DNAH7: variants seen among roughly 807,000 people sequenced by gnomAD.
The protein encoded by DNAH7 is axonemal beta dynein heavy chain 7.
DNAH7 carries 397 observed loss-of-function variants against 444.6 expected under a neutral mutation model. The ratio of observed to expected loss-of-function variants is 0.89; its 90% CI spans 0.82 to 0.97. DNAH7 has a LOEUF of 0.97. Ranked by LOEUF, DNAH7 falls within the 50% of genes least tolerant of loss-of-function variation. DNAH7 has a pLI of 0.00. For missense variants in DNAH7, 4,902 were observed against 4,800.8 expected, an observed-to-expected ratio of 1.02 and a Z score of -0.62; for synonymous variants, 1,636 against 1,624.4, an observed-to-expected ratio of 1.01 and a Z score of -0.17.
At position 195,934,771 on chromosome 2, in the gene DNAH7, C is replaced by G. The variant is rs773490089; in HGVS notation, c.3291G>C (p.Lys1097Asn). 3 of 1,614,056 alleles carry G rather than the reference C, an allele frequency of 1.9e-6. No individual in the cohort carries two copies. Among genetic ancestry groups the G allele is most frequent in the East Asian group, 4.5e-5 (2 of 44,856 alleles). Residue 1097 changes from lysine (K) to asparagine (N), a missense_variant, in exon 21 of 65, where the codon AAG (lysine) becomes AAC (asparagine). By Grantham distance (94) the Lys-to-Asn change is moderately conservative. Transcript: ENST00000312428. The stretch of plus-strand genomic sequence containing the variant: ...CCTTTGCGATTCCTTCAAAACATTT[C>G]TTCAAGTGAGGTTGCACCCTGTCAG... ...KDPTRVQPHLKKCFEGIAKVE... is the reference protein window; with the variant it reads ...KDPTRVQPHLNKCFEGIAKVE...
chr2:195,954,336 G>A (rs1690486863), intron 19 of DNAH7, among the ~76,000 whole-genome samples: 1 of 152,124 alleles, frequency 6.6e-6, no homozygotes, highest in Admixed American at 6.5e-5. Context: ...CTTCATCCAT[G>A]TCCCTACAAA....
chr2:195,957,259 A>G lies in DNAH7; in HGVS notation c.3078+2T>C. On this transcript the variant is annotated splice_donor_variant, in intron 19 of 64. Transcript: ENST00000312428. LOFTEE classifies it high-confidence loss of function. ...GACATTTTTGGAGATTTTTTCACCT[A>G]CCTGCATGACACTTCTCATTATATC... is the stretch of plus-strand genomic sequence containing the variant. The G allele has an allele frequency of 2.7e-6, 4 of 1,497,472 alleles. No individual in the cohort carries two copies. The highest frequency in any genetic ancestry group is 2.8e-5 in the African/African-American group (2 of 71,470). 92.8% of individuals were successfully genotyped at this position (1,497,472 alleles called of 1,614,324 possible).
At chr2:195,908,823 C>G (rs547769441) in intron 25 of DNAH7, among the ~76,000 whole-genome samples, 1 of 152,024 alleles carries the variant, frequency 6.6e-6, no homozygotes, top group African/African-American at 2.4e-5. Context: ...TAATTTTGAG[C>G]TTTTAAAAGT....
chr2:195,744,412 T>C (rs1693252084), intron 63 of DNAH7, among the ~76,000 whole-genome samples: 1 of 152,178 alleles, frequency 6.6e-6, no homozygotes, highest in Non-Finnish European at 1.5e-5. Flanking sequence ...TGCCTACCTC[T>C]GGGGGCAGGG....
Position 195,864,269 on chromosome 2 carries a change from A to G in DNAH7, c.7386T>C (p.Ile2462=). Residue 2462 remains isoleucine, a synonymous_variant, in exon 41 of 65, where the codon ATT becomes ATC. Transcript: ENST00000312428. ...CATGCAGTTGGCTGCGGCAATGATC[A>G]ATAAACATGTTGAAAAGGGCTATGG... ...GSPIALFNMF[I]DHCRSQLHVV... 1 of 1,614,204 alleles carries G rather than the reference A, an allele frequency of 6.2e-7. No individual in the cohort carries two copies.
chr2:195,791,788 C>G (rs1001484343), intron 57 of DNAH7, among the ~76,000 whole-genome samples: 2 of 152,146 alleles, frequency 1.3e-5, no homozygotes, highest in Non-Finnish European at 2.9e-5. Context: ...TATCCTAAGA[C>G]AGTTAATGCA....
At position 196,058,114 on chromosome 2, in the gene DNAH7, A is replaced by T; in HGVS notation, c.18T>A (p.Asp6Glu). 1 of 1,584,970 alleles carries T rather than the reference A, an allele frequency of 6.3e-7. No individual in the cohort carries two copies. The highest frequency in any genetic ancestry group is 1.2e-5 in the South Asian group (1 of 85,620). MSSEQ[D>E]KSASKEKSKK... ...TGGATTTTTCTTTGCTGGCCGATTTATCCTGTATGAAAAACATGAAAAAAC... is the reference window on the plus strand; with the variant it reads ...TGGATTTTTCTTTGCTGGCCGATTTTTCCTGTATGAAAAACATGAAAAAAC... Residue 6 changes from aspartate (D) to glutamate (E), a missense_variant and splice_region_variant, in exon 2 of 65, where the codon GAT becomes GAA. Asp to Glu is a conservative substitution (Grantham distance 45). Coordinates refer to ENST00000312428, the MANE Select transcript of DNAH7 (RefSeq NM_018897.3).
chr2:195,768,223 G>A (rs1488880588), intron 61 of DNAH7, among the ~76,000 whole-genome samples: 1 of 147,390 alleles, frequency 6.8e-6, no homozygotes, highest in Non-Finnish European at 1.5e-5. Flanking sequence ...ATATCTTTAA[G>A]ATATATATAG....
chr2:195,849,337 T>C (rs1397285176), intron 46 of DNAH7, among the ~76,000 whole-genome samples: 2 of 152,312 alleles, frequency 1.3e-5, no homozygotes, highest in South Asian at 2.1e-4. Context: ...TTAAGCTCAG[T>C]TGACTAGCAA....
intron 25 of DNAH7, 79 bp downstream of exon 25, chr2:195,909,948 G>A: frequency 7.4e-7 from 1 of 1,344,418 alleles, no homozygotes; most frequent in Admixed American, 2.3e-5. Context: ...TCTTTTACTT[G>A]TATTCAATTA....
At chr2:195,916,971 G>A (rs530293736) in intron 24 of DNAH7, among the ~76,000 whole-genome samples, 2 of 151,746 alleles carry the variant, frequency 1.3e-5, no homozygotes, top group Admixed American at 1.3e-4. Context: ...GTGTGGTGGC[G>A]GGCGCCTGTA....
Position 196,011,032 on chromosome 2 carries a change from G to A in DNAH7, c.989+1755C>T, listed in dbSNP as rs78353753. Among the ~76,000 whole-genome samples, 845 of 152,190 alleles carry A rather than the reference G, an allele frequency of 5.6e-3. 4 individuals carry two copies. The highest frequency in any genetic ancestry group is 0.014 in the Middle Eastern group (4 of 292). On this transcript the variant is annotated intron_variant, in intron 10 of 64. Coordinates refer to ENST00000312428, the MANE Select transcript of DNAH7 (RefSeq NM_018897.3). ...AGGTTTGGGATGGAGGATGAAGAGA[G>A]GTTGGTTAATACGCACAAAAATACA...
intron 9 of DNAH7, among the ~76,000 whole-genome samples, chr2:196,015,643 C>G (rs1694974443): frequency 1.3e-5 from 2 of 152,158 alleles, no homozygotes; most frequent in South Asian, 4.1e-4. Flanking sequence ...ATTTCAACAT[C>G]TTTTCTAGAG....
intron 18 of DNAH7, among the ~76,000 whole-genome samples, chr2:195,958,543 G>C (rs1690855484): frequency 6.6e-6 from 1 of 152,078 alleles, no homozygotes; most frequent in South Asian, 2.1e-4. Context: ...AGGGTCAACT[G>C]TATTTCAATT....
chr2:196,010,930 C>A (rs886530684), intron 10 of DNAH7, among the ~76,000 whole-genome samples: 1 of 151,950 alleles, frequency 6.6e-6, no homozygotes, highest in African/African-American at 2.4e-5. Context: ...TGCTCTTATT[C>A]ATATGTGGAA....
intron 47 of DNAH7, among the ~76,000 whole-genome samples, chr2:195,834,862 AC>A (rs1650979716): frequency 6.6e-6 from 1 of 152,216 alleles, no homozygotes; most frequent in African/African-American, 2.4e-5. Context: ...TAACGGCCTA[AC>A]AAAAAGGTAA....
At chr2:195,949,393 C>T (rs760578853) in intron 19 of DNAH7, among the ~76,000 whole-genome samples, 4 of 152,152 alleles carry the variant, frequency 2.6e-5, no homozygotes, top group African/African-American at 7.2e-5. Context: ...AAGCAATTCT[C>T]CTGTCTTCGC....
intron 42 of DNAH7, among the ~76,000 whole-genome samples, chr2:195,859,105 G>A (rs1323650871): frequency 2.0e-5 from 3 of 152,184 alleles, no homozygotes; most frequent in Non-Finnish European, 2.9e-5. Flanking sequence ...GGAGTCTCCT[G>A]TATCAAAATG....
At chr2:195,953,791 G>C (rs191859477) in intron 19 of DNAH7, among the ~76,000 whole-genome samples, 1 of 152,272 alleles carries the variant, frequency 6.6e-6, no homozygotes, top group Admixed American at 6.5e-5. Flanking sequence ...AACCTCTGAG[G>C]TTTTTAAAAG....
Sources: allele counts gnomAD v4.1 joint callset (sites outside exome capture counted in the v4.1 genomes callset), GRCh38; gene constraint gnomAD v4.1.1; transcripts MANE v1.5; gene names NCBI Gene and HGNC (gene_info 2026-07-23, HGNC 2026-07-21).